The following HEPACAM2 variants were observed in gnomAD, a reference collection of about 807,000 sequenced individuals.
HEPACAM2 encodes mitotic kinetics regulator.
In HEPACAM2, 49 loss-of-function variants were observed where a neutral mutation model predicts 49.6. That is an observed-to-expected ratio of 0.99 (90% CI 0.78 to 1.25). The LOEUF (loss-of-function observed/expected upper bound fraction) is 1.25. Among genes scored for constraint, HEPACAM2 ranks in the 50% most tolerant of loss-of-function variants. The pLI, the probability that HEPACAM2 is intolerant of heterozygous loss-of-function variation, is 0.00. For synonymous variants in HEPACAM2, 197 were observed against 202.9 expected (o/e 0.97, Z 0.25); for missense variants, 525 against 557.2 (o/e 0.94, Z 0.58).
At chr7:93,226,009 C>T (rs1794532321) in intron 1 of HEPACAM2, 1 of 770,122 alleles carries the variant, frequency 1.3e-6, no homozygotes, top group South Asian at 2.0e-5. Context: ...TCTAAGTGGT[C>T]ACAATTTCAT....
intron 3 of HEPACAM2, among the ~76,000 whole-genome samples, chr7:93,209,944 A>G (rs1448933155): frequency 6.6e-6 from 1 of 151,874 alleles, no homozygotes; most frequent in Admixed American, 6.6e-5. Context: ...TTAGGATTCC[A>G]TTTGAAAAAA....
chr7:93,223,765 T>A (rs956318915), intron 1 of HEPACAM2, among the ~76,000 whole-genome samples: 1 of 152,216 alleles, frequency 6.6e-6, no homozygotes, highest in African/African-American at 2.4e-5. Context: ...GTTATAAGAA[T>A]GTCAGCAGGG....
At chr7:93,204,243 A>T (rs1306864461) in intron 4 of HEPACAM2, among the ~76,000 whole-genome samples, 1 of 152,158 alleles carries the variant, frequency 6.6e-6, no homozygotes, top group African/African-American at 2.4e-5. Context: ...GGCCTTAGGG[A>T]ATTCTATTTA....
rs1478147493 is a variant in HEPACAM2 at position 93,226,467 on chromosome 7, A to G, written c.-21T>C. 42 of 1,597,130 alleles carry G rather than the reference A, an allele frequency of 2.6e-5. No individual in the cohort carries two copies. Among genetic ancestry groups the G allele is most frequent in the Non-Finnish European group, 3.4e-5 (40 of 1,166,294 alleles). On this transcript the variant is annotated 5_prime_UTR_variant, in exon 1 of 10. Transcript: ENST00000394468. ...CCCATGCATGCAGTGCCCTGTTCTC[A>G]GTGGTAACTTGGACCAGCAGCTGCT...
At chr7:93,196,923 A>G (rs1051465336) in intron 7 of HEPACAM2, among the ~76,000 whole-genome samples, 2 of 152,166 alleles carry the variant, frequency 1.3e-5, no homozygotes, top group Non-Finnish European at 2.9e-5. Context: ...TAATAGGATC[A>G]ATGAGTTAGC....
chr7:93,203,043 C>T (rs1793935943), intron 4 of HEPACAM2, among the ~76,000 whole-genome samples: 1 of 152,166 alleles, frequency 6.6e-6, no homozygotes, highest in East Asian at 1.9e-4. Flanking sequence ...TTATTGCCCT[C>T]TTGCCTCTTC....
intron 3 of HEPACAM2, among the ~76,000 whole-genome samples, chr7:93,210,640 T>C (rs1794155643): frequency 6.6e-6 from 1 of 151,942 alleles, no homozygotes; most frequent in Non-Finnish European, 1.5e-5. Flanking sequence ...GATAGAGGTA[T>C]GAGACATTCA....
At chr7:93,190,560 G>A (rs570609852) in intron 9 of HEPACAM2, among the ~76,000 whole-genome samples, 9 of 152,146 alleles carry the variant, frequency 5.9e-5, no homozygotes, top group East Asian at 5.8e-4. Context: ...CTGGTAGCAT[G>A]AGCTGGGGTT....
intron 1 of HEPACAM2, among the ~76,000 whole-genome samples, chr7:93,223,064 T>G (rs1794480265): frequency 6.6e-6 from 1 of 152,190 alleles, no homozygotes; most frequent in African/African-American, 2.4e-5. Context: ...TTGTCATGGA[T>G]GTGTTGGTTC....
In HEPACAM2 at chr7:93,188,911, G is replaced by C. The variant is rs546418953; in HGVS notation, c.*356C>G. ...TTGTAGGTGAGACAGGATAGTCTCAGTGTTGATGATAGTGAAAGTGTAGAG... is the reference window on the plus strand; with the variant it reads ...TTGTAGGTGAGACAGGATAGTCTCACTGTTGATGATAGTGAAAGTGTAGAG... On this transcript the variant is annotated 3_prime_UTR_variant, in exon 10 of 10. Coordinates refer to ENST00000394468, the MANE Select transcript of HEPACAM2 (RefSeq NM_001039372.4). 15 of 400,466 alleles carry C rather than the reference G, an allele frequency of 3.7e-5. No individual in the cohort carries two copies. Among genetic ancestry groups the C allele is most frequent in the African/African-American group, 2.3e-4 (11 of 48,662 alleles). 24.8% of individuals were successfully genotyped at this position (400,466 alleles called of 1,614,324 possible). A position where few individuals can be genotyped will look rare whatever the true frequency, so the allele number is the denominator to read the frequency against.
At chr7:93,228,150 T>C (rs969225390), upstream of HEPACAM2, among the ~76,000 whole-genome samples, 2 of 152,196 alleles carry the variant, frequency 1.3e-5, no homozygotes, top group African/African-American at 2.4e-5. Flanking sequence ...TAATGAAGTT[T>C]GTTGGGTCCC....
At chr7:93,216,466 TTAA>T (rs1794310357) in intron 2 of HEPACAM2, among the ~76,000 whole-genome samples, 1 of 152,240 alleles carries the variant, frequency 6.6e-6, no homozygotes, top group South Asian at 2.1e-4. Flanking sequence ...CAGTAGGCTC[TTAA>T]TAATATTTGT....
chr7:93,208,800 C>T lies in HEPACAM2; in HGVS notation c.792G>A (p.Glu264=), dbSNP rs751680318. The T allele has an allele frequency of 5.6e-6, 9 of 1,612,804 alleles. No homozygotes were observed. In the South Asian group the frequency reaches 6.6e-5, roughly 12 times the overall value. Reference sequence around the variant, plus strand: ...CAGCAGAACAATCAAATAGGATGGCCTCTCCAAGGTCAACAGTAAACACTT... The same window carrying T: ...CAGCAGAACAATCAAATAGGATGGCTTCTCCAAGGTCAACAGTAAACACTT... ...VGEVFTVDLG[E]AILFDCSADS... The change falls in exon 4 of 10, where the codon GAG becomes GAA. Residue 264 remains glutamate (E), a synonymous_variant. Transcript: ENST00000394468.
upstream of HEPACAM2, among the ~76,000 whole-genome samples, chr7:93,229,868 C>T (rs371977965): frequency 2.8e-4 from 43 of 151,978 alleles, no homozygotes; most frequent in East Asian, 3.9e-3. Flanking sequence ...TTTTTTTGAG[C>T]GTAGACAGAT....
the HEPACAM2 span, among the ~76,000 whole-genome samples, chr7:93,232,172 G>A: frequency 1.3e-5 from 2 of 152,182 alleles, no homozygotes; most frequent in African/African-American, 4.8e-5. Context: ...ACCTTTGTAA[G>A]ACCGGCGATC....
chr7:93,220,697 TG>T (rs1234299096), intron 1 of HEPACAM2, among the ~76,000 whole-genome samples: 2 of 152,224 alleles, frequency 1.3e-5, no homozygotes, highest in Admixed American at 6.5e-5. Context: ...TGGGCAGTGC[TG>T]GGGATTTGTG....
At chr7:93,207,507 GAAAT>G (rs930538218) in intron 4 of HEPACAM2, among the ~76,000 whole-genome samples, 2 of 151,720 alleles carry the variant, frequency 1.3e-5, no homozygotes. Flanking sequence ...AGAATACAAA[GAAAT>G]AAGTAAAGAA....
At chr7:93,222,011 T>C (rs553994418) in intron 1 of HEPACAM2, among the ~76,000 whole-genome samples, 16 of 152,128 alleles carry the variant, frequency 1.1e-4, no homozygotes, top group Non-Finnish European at 1.3e-4. Context: ...TAAAGTGGAC[T>C]GCAGAAAAGA....
At chr7:93,202,447 C>G (rs567131218) in intron 4 of HEPACAM2, among the ~76,000 whole-genome samples, 1 of 151,982 alleles carries the variant, frequency 6.6e-6, no homozygotes, top group South Asian at 2.1e-4. Context: ...AACTTTTTTT[C>G]TGTTAATCTG....
Sources: allele counts gnomAD v4.1 joint callset (sites outside exome capture counted in the v4.1 genomes callset), GRCh38; gene constraint gnomAD v4.1.1; transcripts MANE v1.5; gene names NCBI Gene and HGNC (gene_info 2026-07-23, HGNC 2026-07-21).